TMEM9: variants seen among roughly 807,000 people sequenced by gnomAD.
TMEM9 encodes the protein transmembrane protein 9, also known as proton-transporting V-type ATPase complex assembly regulator TMEM9.
TMEM9 carries 13 observed loss-of-function variants against 22.8 expected under a neutral mutation model. The observed-to-expected ratio is 0.57, with a 90% CI of 0.37 to 0.91. The LOEUF is 0.91. Among genes scored for constraint, TMEM9 ranks in the 40% least tolerant of loss-of-function variants. The probability of loss-of-function intolerance (pLI) is 0.01; values close to 1 mark genes in which losing one functional copy is unlikely to be tolerated. For missense variants in TMEM9, 182 were observed against 238.1 expected, an observed-to-expected ratio of 0.76 and a Z score of 1.55; for synonymous variants, 88 against 93.0, an observed-to-expected ratio of 0.95 and a Z score of 0.31.
chr1:201,157,090 C>G (rs1427031565), upstream of TMEM9, among the ~76,000 whole-genome samples: 1 of 152,180 alleles, frequency 6.6e-6, no homozygotes, highest in Non-Finnish European at 1.5e-5. Context: ...CAATAGCTCT[C>G]TGCTACAGAG....
intron 3 of TMEM9, chr1:201,144,994 C>T (rs1311603461): frequency 6.6e-6 from 1 of 152,290 alleles, no homozygotes; most frequent in Non-Finnish European, 1.5e-5. Context: ...AACCTCAGGA[C>T]TTTCAAGCTG....
chr1:201,158,503 G>A (rs1426010483), upstream of TMEM9, among the ~76,000 whole-genome samples: 1 of 152,044 alleles, frequency 6.6e-6, no homozygotes. Flanking sequence ...TTCAGGGAGA[G>A]ACATGTAGAG....
At chr1:201,155,001 G>C (rs568886343), upstream of TMEM9, among the ~76,000 whole-genome samples, 1 of 152,298 alleles carries the variant, frequency 6.6e-6, no homozygotes, top group African/African-American at 2.4e-5. Flanking sequence ...TCCTCAGCCT[G>C]ATCCCCCTAC....
At chr1:201,156,765 T>C (rs1665808699), upstream of TMEM9, among the ~76,000 whole-genome samples, 1 of 152,244 alleles carries the variant, frequency 6.6e-6, no homozygotes, top group African/African-American at 2.4e-5. Flanking sequence ...AGTCTGAACC[T>C]ATTCATTAAA....
Position 201,153,882 on chromosome 1 carries a change from C to G in TMEM9, c.42G>C (p.Leu14=), listed in dbSNP as rs1230108985. 2 of 1,614,110 alleles carry G rather than the reference C, an allele frequency of 1.2e-6. No homozygotes were observed. The highest frequency in any genetic ancestry group is 2.2e-5 in the South Asian group (2 of 91,072). ...LSLVAVVGCL[L]VPPAEANKSS... ...CCTTGTTGGCTTCAGCTGGGGGCAC[C>G]AGCAAACACCCGACCACAGCCACCA... Residue 14 remains leucine, a synonymous_variant, in exon 1 of 5, where the codon CTG becomes CTC. Transcript: ENST00000367330.
chr1:201,161,347 A>G (rs555461056), intron 1 of TMEM9, among the ~76,000 whole-genome samples: 1 of 152,318 alleles, frequency 6.6e-6, no homozygotes, highest in African/African-American at 2.4e-5. Context: ...GTTTCCCTAA[A>G]AGAGCCTTGG....
chr1:201,163,297 AT>A (rs201342327), intron 1 of TMEM9, among the ~76,000 whole-genome samples: 2,228 of 152,154 alleles, frequency 0.015, 25 homozygotes, highest in Non-Finnish European at 0.023. Flanking sequence ...AAATAAAAAA[AT>A]AAAAAACAAG....
At chr1:201,155,973 A>G (rs1665780839), upstream of TMEM9, among the ~76,000 whole-genome samples, 1 of 152,178 alleles carries the variant, frequency 6.6e-6, no homozygotes, top group Admixed American at 6.5e-5. Flanking sequence ...CAGAGACAGA[A>G]TGCCTACCTC....
chr1:201,170,749 C>T (rs1469206927), intron 1 of TMEM9, among the ~76,000 whole-genome samples: 1 of 152,220 alleles, frequency 6.6e-6, no homozygotes, highest in Non-Finnish European at 1.5e-5. Flanking sequence ...CAGGGTGGCG[C>T]CGGCCAAAGA....
At chr1:201,146,215 T>C (rs1477453628) in intron 3 of TMEM9, among the ~76,000 whole-genome samples, 1 of 152,144 alleles carries the variant, frequency 6.6e-6, no homozygotes, top group Non-Finnish European at 1.5e-5. Flanking sequence ...TTCACCCAAA[T>C]GATCAATGAG....
chr1:201,160,936 CAAA>C (rs36053036), intron 1 of TMEM9, among the ~76,000 whole-genome samples: 1 of 115,522 alleles, frequency 8.7e-6, no homozygotes, highest in Admixed American at 8.2e-5. Context: ...ACTCTGTCTC[CAAA>C]AAAAAAAAAA....
At chr1:201,154,966 C>G (rs944418811), upstream of TMEM9, among the ~76,000 whole-genome samples, 2 of 152,162 alleles carry the variant, frequency 1.3e-5, no homozygotes, top group Admixed American at 6.5e-5. Flanking sequence ...GTGGGCTGGG[C>G]CTGTGAAGAG....
rs1296908298 is a variant in TMEM9 at position 201,167,164 on chromosome 1, C to T, written c.-37+4326G>A. On this transcript the variant is annotated intron_variant, in intron 1 of 5. Transcript: ENST00000367333. ...ATAACCGCCTGATGGGTTTTTCCTT[C>T]CAGCTGTACAAACAAAATTCCTGAA... is the stretch of plus-strand genomic sequence containing the variant. 2.0e-5 allele frequency among the ~76,000 whole-genome samples: 3 copies of T among 152,242 alleles called. No homozygotes were observed. In the East Asian group the frequency reaches 5.8e-4, roughly 29 times the overall value.
intron 4 of TMEM9, 45 bp downstream of exon 4, chr1:201,143,775 C>T (rs745564071): frequency 2.1e-5 from 33 of 1,604,374 alleles, no homozygotes; most frequent in Admixed American, 1.2e-4. Context: ...GCCCTGGGGA[C>T]GCACATGCAG....
intron 1 of TMEM9, among the ~76,000 whole-genome samples, chr1:201,170,896 T>A (rs1205956608): frequency 6.6e-6 from 1 of 152,072 alleles, no homozygotes. Context: ...CCACTCCGGG[T>A]CCAGGCCGCC....
intron 4 of TMEM9, among the ~76,000 whole-genome samples, chr1:201,143,280 C>G (rs1664681546): frequency 6.6e-6 from 1 of 152,224 alleles, no homozygotes; most frequent in Non-Finnish European, 1.5e-5. Flanking sequence ...CTACCCTATC[C>G]TTGCAACGCT....
At chr1:201,161,342 C>T (rs1468324703) in intron 1 of TMEM9, among the ~76,000 whole-genome samples, 1 of 152,082 alleles carries the variant, frequency 6.6e-6, no homozygotes, top group Non-Finnish European at 1.5e-5. Flanking sequence ...AACTTGTTTC[C>T]CTAAAAGAGC....
At chr1:201,147,870 G>A (rs1293916905) in intron 2 of TMEM9, among the ~76,000 whole-genome samples, 1 of 152,156 alleles carries the variant, frequency 6.6e-6, no homozygotes, top group Non-Finnish European at 1.5e-5. Flanking sequence ...CTCACCAGGA[G>A]GGCATGGCTT....
chr1:201,160,574 A>C (rs1665915140), intron 1 of TMEM9, among the ~76,000 whole-genome samples: 1 of 150,196 alleles, frequency 6.7e-6, no homozygotes, highest in Non-Finnish European at 1.5e-5. Flanking sequence ...AGGCAACAAG[A>C]GTGAAAATCT....
Sources: allele counts gnomAD v4.1 joint callset (sites outside exome capture counted in the v4.1 genomes callset), GRCh38; gene constraint gnomAD v4.1.1; transcripts MANE v1.5; gene names NCBI Gene and HGNC (gene_info 2026-07-23, HGNC 2026-07-21).